ZNF831: variants seen among roughly 807,000 people sequenced by gnomAD.
ZNF831 encodes zinc finger protein 831, also known as chromosome 20 open reading frame 174.
A neutral mutation model predicts 95.8 loss-of-function variants in ZNF831; 59 were observed. The ratio of observed to expected loss-of-function variants is 0.62; its 90% CI spans 0.50 to 0.77. The LOEUF (loss-of-function observed/expected upper bound fraction) is 0.77. ZNF831 is among the 30% of genes least tolerant of loss of function. ZNF831 has a pLI of 0.00. For missense variants in ZNF831, 2,205 were observed against 2,164.0 expected (o/e 1.02, Z -0.38); for synonymous variants, 961 against 925.5 (o/e 1.04, Z -0.70).
intron 4 of ZNF831, among the ~76,000 whole-genome samples, chr20:59,227,456 G>A (rs1255859700): frequency 1.3e-5 from 2 of 152,156 alleles, no homozygotes; most frequent in Non-Finnish European, 2.9e-5. Flanking sequence ...CATTTGGAAA[G>A]TAAAATAACA....
intron 1 of ZNF831, among the ~76,000 whole-genome samples, chr20:59,175,463 A>G (rs1982083127): frequency 6.6e-6 from 1 of 151,354 alleles, no homozygotes; most frequent in South Asian, 2.1e-4. Context: ...TCTGTTGCTC[A>G]GATTGGGTAA....
At chr20:59,223,474 C>T (rs750698163) in intron 4 of ZNF831, among the ~76,000 whole-genome samples, 1 of 152,134 alleles carries the variant, frequency 6.6e-6, no homozygotes, top group Non-Finnish European at 1.5e-5. Flanking sequence ...GCAGGAGGAA[C>T]GAGCCGGCAG....
chr20:59,233,502 AAC>A (rs1052661671), intron 4 of ZNF831, among the ~76,000 whole-genome samples: 1 of 152,130 alleles, frequency 6.6e-6, no homozygotes, highest in African/African-American at 2.4e-5. Context: ...CAGACCAACA[AAC>A]ACACACAAGA....
chr20:59,192,089 A>C lies in ZNF831; in HGVS notation c.1070A>C (p.His357Pro), dbSNP rs2146559569. 1 of 1,601,250 alleles carries C rather than the reference A, an allele frequency of 6.2e-7. No individual in the cohort carries two copies. The highest frequency in any genetic ancestry group is 8.5e-7 in the Non-Finnish European group (1 of 1,177,016). The change falls in exon 2 of 6, where the codon CAT becomes CCT. Residue 357 changes from histidine (H) to proline (P), a missense_variant. His to Pro is a moderately conservative substitution (Grantham distance 77). Coordinates refer to ENST00000371030, the MANE Select transcript of ZNF831 (RefSeq NM_178457.3). The surrounding 1 kb of genome is among the most constrained non-coding windows in gnomAD (Gnocchi z 5.2). ...LSRSDSAEQP[H>P]APCSPLHSLS... ...CGCTCCGACAGCGCGGAGCAGCCGC[A>C]TGCGCCCTGCAGCCCCCTGCACAGC... is the stretch of plus-strand genomic sequence containing the variant.
At chr20:59,209,947 A>T (rs1425560047) in intron 4 of ZNF831, among the ~76,000 whole-genome samples, 1 of 152,062 alleles carries the variant, frequency 6.6e-6, no homozygotes, top group African/African-American at 2.4e-5. Context: ...TCATTTCAAG[A>T]TCCTTAATTT....
At chr20:59,209,259 C>T (rs1160154461) in intron 4 of ZNF831, among the ~76,000 whole-genome samples, 3 of 152,218 alleles carry the variant, frequency 2.0e-5, no homozygotes, top group African/African-American at 7.2e-5. Context: ...GCATTATAAA[C>T]ACATGTGCAT....
In ZNF831 at chr20:59,192,084, G is replaced by A. The variant is rs759635951; in HGVS notation, c.1065G>A (p.Gln355=). The A allele has an allele frequency of 1.4e-5, 23 of 1,602,154 alleles. No individual in the cohort carries two copies. The highest frequency in any genetic ancestry group is 1.9e-5 in the Non-Finnish European group (22 of 1,177,406). The part of the protein sequence containing the change: ...GYLSRSDSAE[Q]PHAPCSPLHS... ...TGTCGCGCTCCGACAGCGCGGAGCA[G>A]CCGCATGCGCCCTGCAGCCCCCTGC... Residue 355 remains glutamine (Q), a synonymous_variant, in exon 2 of 6, where the codon CAG becomes CAA. Transcript: ENST00000371030. The surrounding 1 kb of genome is among the most constrained non-coding windows in gnomAD (Gnocchi z 5.2).
At chr20:59,214,059 A>T (rs1215244630) in intron 4 of ZNF831, among the ~76,000 whole-genome samples, 1 of 152,068 alleles carries the variant, frequency 6.6e-6, no homozygotes, top group East Asian at 1.9e-4. Flanking sequence ...TGTTTATACA[A>T]CTCTGAACAG....
chr20:59,224,342 A>T (rs1487460879), intron 4 of ZNF831, among the ~76,000 whole-genome samples: 1 of 152,054 alleles, frequency 6.6e-6, no homozygotes, highest in Non-Finnish European at 1.5e-5. Flanking sequence ...CTTCTCATGT[A>T]TTCCAGGAGG....
At chr20:59,214,725 C>T (rs1203769070) in intron 4 of ZNF831, among the ~76,000 whole-genome samples, 1 of 152,166 alleles carries the variant, frequency 6.6e-6, no homozygotes, top group African/African-American at 2.4e-5. Context: ...GGTGATGCCA[C>T]CTAAGCAAAA....
intron 4 of ZNF831, among the ~76,000 whole-genome samples, chr20:59,237,329 C>A (rs1481980996): frequency 2.0e-5 from 3 of 152,230 alleles, no homozygotes; most frequent in African/African-American, 7.2e-5. Context: ...ACAGACCTAT[C>A]CCTGTCTTAC....
chr20:59,142,050 T>A (rs1278684128), intron 1 of ZNF831, among the ~76,000 whole-genome samples: 2 of 152,136 alleles, frequency 1.3e-5, no homozygotes, highest in Non-Finnish European at 2.9e-5. Flanking sequence ...CCCACAGCAA[T>A]CCTCTATGGA....
intron 2 of ZNF831, among the ~76,000 whole-genome samples, chr20:59,152,197 G>T (rs564195953): frequency 6.6e-6 from 1 of 152,144 alleles, no homozygotes; most frequent in Non-Finnish European, 1.5e-5. Flanking sequence ...AAAGTACAGC[G>T]CTCACTTTTG....
intron 2 of ZNF831, among the ~76,000 whole-genome samples, chr20:59,158,673 A>G (rs768616521): frequency 6.6e-6 from 1 of 152,204 alleles, no homozygotes; most frequent in Non-Finnish European, 1.5e-5. Context: ...AAAGGCTGGT[A>G]TGCACCCCCT....
chr20:59,246,613 T>C (rs1987620999), intron 4 of ZNF831, among the ~76,000 whole-genome samples: 1 of 152,034 alleles, frequency 6.6e-6, no homozygotes, highest in Non-Finnish European at 1.5e-5. Context: ...CATGACAGAA[T>C]TTTTAAAGCA....
intron 1 of ZNF831, among the ~76,000 whole-genome samples, chr20:59,187,697 A>G (rs191056036): frequency 2.0e-4 from 31 of 152,342 alleles, no homozygotes; most frequent in African/African-American, 6.5e-4. Context: ...GAACAATTCT[A>G]TGGCACTTAG....
rs1212335702 is a variant in ZNF831, at chr20:59,254,678, C to T, written c.4969C>T (p.Gln1657Ter). Reference protein sequence around the residue: ...KKRSLEGMRKQTRVEFSDTSS... With the variant: ...KKRSLEGMRK Reference sequence around the variant, plus strand: ...GAGGAGTCTGGAAGGAATGAGAAAGCAAACTCGAGTAGAGTTCAGTGACAC... The same window carrying T: ...GAGGAGTCTGGAAGGAATGAGAAAGTAAACTCGAGTAGAGTTCAGTGACAC... The change falls in exon 6 of 6, where the codon CAA (glutamine) becomes TAA (stop). Residue 1657 changes from glutamine (Q) to a stop codon, truncating the protein, a stop_gained. Transcript: ENST00000371030. LOFTEE classifies it high-confidence loss of function. The surrounding 1 kb of genome is among the most constrained non-coding windows in gnomAD (Gnocchi z 4.5). The T allele has an allele frequency of 6.2e-7, 1 of 1,614,120 alleles. No homozygotes were observed. The highest frequency in any genetic ancestry group is 8.5e-7 in the Non-Finnish European group (1 of 1,180,014).
rs373431728 is a variant in ZNF831, at chr20:59,254,552, C to T, written c.4843C>T (p.Arg1615Cys). The T allele has an allele frequency of 8.4e-5, 135 of 1,614,036 alleles. No individual in the cohort carries two copies. Among genetic ancestry groups the T allele is most frequent in the East Asian group, 1.3e-4 (6 of 44,860 alleles). ...CPSLGSDGRK[R>C]QVSGLITRKD... ...CTCTTTAGGAAGTGACGGTAGGAAA[C>T]GTCAGGTATCTGGATTAATCACTCG... The change falls in exon 6 of 6, where the codon CGT (arginine) becomes TGT (cysteine). Residue 1615 changes from arginine to cysteine, a missense_variant. Transcript: ENST00000371030. This position sits in a 1 kb window ranked among gnomAD's most constrained non-coding sequence, Gnocchi z 4.5.
chr20:59,221,389 G>A (rs894621438), intron 4 of ZNF831, among the ~76,000 whole-genome samples: 10 of 152,142 alleles, frequency 6.6e-5, no homozygotes, highest in South Asian at 4.1e-4. Flanking sequence ...GCTCCAACTC[G>A]TCCCAGAGGC....
Sources: gnomAD v4.1 joint callset for allele counts (sites outside exome capture counted in the v4.1 genomes callset) on GRCh38, gnomAD v4.1.1 for gene constraint, Gnocchi (gnomAD v3.1) non-coding constraint, MANE v1.5 for transcripts, NCBI Gene and HGNC (gene_info 2026-07-23, HGNC 2026-07-21) for gene names.